The following CHRNB3 variants were observed in gnomAD, a reference collection of about 807,000 sequenced individuals.
CHRNB3 encodes the protein cholinergic receptor nicotinic beta 3 subunit, also known as neuronal acetylcholine receptor subunit beta-3.
CHRNB3 carries 37 observed loss-of-function variants against 40.6 expected under a neutral mutation model. That is an observed-to-expected ratio of 0.91 (90% CI 0.70 to 1.20). The LOEUF (loss-of-function observed/expected upper bound fraction) is 1.20. CHRNB3 is among the 50% of genes most tolerant of loss of function. The pLI is 0.00. For missense variants in CHRNB3, 505 were observed against 551.2 expected (o/e 0.92, Z 0.84); for synonymous variants, 207 against 207.1 (o/e 1.00, Z 0.00).
chr8:42,716,693 T>C (rs1816113835), intron 3 of CHRNB3, among the ~76,000 whole-genome samples: 1 of 152,054 alleles, frequency 6.6e-6, no homozygotes, highest in African/African-American at 2.4e-5. Flanking sequence ...TAAACTGACA[T>C]GGTGCCGTGG....
chr8:42,730,560 C>T (rs200121784), intron 3 of CHRNB3, 34 bp from the exon 4 acceptor site: 12 of 1,292,378 alleles, frequency 9.3e-6, no homozygotes, highest in East Asian at 2.4e-5. Context: ...ATTGAACTTT[C>T]GGAATAAAAT....
intron 5 of CHRNB3, among the ~76,000 whole-genome samples, chr8:42,734,565 A>G (rs144267582): frequency 0.059 from 8,937 of 150,880 alleles, 362 homozygotes; most frequent in Middle Eastern, 0.11. Flanking sequence ...GACTACAGGC[A>G]CCCGCCACCA....
intron 3 of CHRNB3, 97 bp downstream of exon 3, chr8:42,710,531 T>C: frequency 2.1e-6 from 2 of 960,724 alleles, no homozygotes; most frequent in South Asian, 2.9e-5. Context: ...AGAGGGCATA[T>C]TGTGTTCCTC....
intron 1 of CHRNB3, among the ~76,000 whole-genome samples, chr8:42,707,922 C>T (rs1437627842): frequency 1.3e-5 from 2 of 152,220 alleles, no homozygotes; most frequent in Admixed American, 6.5e-5. Flanking sequence ...TCAAATATAA[C>T]GCCCATTGCT....
chr8:42,712,391 C>T (rs1191565117), intron 3 of CHRNB3, among the ~76,000 whole-genome samples: 2 of 152,144 alleles, frequency 1.3e-5, no homozygotes, highest in Admixed American at 1.3e-4. Context: ...GCAATGGATA[C>T]AAGAAACAGC....
chr8:42,716,350 A>G (rs1241897887), intron 3 of CHRNB3, among the ~76,000 whole-genome samples: 1 of 152,058 alleles, frequency 6.6e-6, no homozygotes, highest in Non-Finnish European at 1.5e-5. Flanking sequence ...AATCACTATG[A>G]CAACAAATGC....
intron 1 of CHRNB3, among the ~76,000 whole-genome samples, chr8:42,703,440 T>TTATATATATATA (rs56211568): frequency 2.5e-5 from 2 of 80,690 alleles, no homozygotes; most frequent in African/African-American, 3.1e-5. Context: ...AAAAAAATAT[T>TTATATATATATA]TATATATATA....
chr8:42,715,797 C>T (rs80157946), intron 3 of CHRNB3, among the ~76,000 whole-genome samples: 8,697 of 151,880 alleles, frequency 0.057, 334 homozygotes, highest in Middle Eastern at 0.11. Context: ...GTTTGTCTTC[C>T]TCCTTTGTAC....
rs1815903862 is a variant in CHRNB3 at position 42,705,347 on chromosome 8, ATG to A, written c.53-3369_53-3368del. Reference sequence around the variant, plus strand: ...CTGCCACAGTGCTGCTGTGGTTTGAATGGGTTCCCCAAAGTTCAAGTGCTGGA... The same window carrying A: ...CTGCCACAGTGCTGCTGTGGTTTGAAGGTTCCCCAAAGTTCAAGTGCTGGA... On this transcript the variant is annotated intron_variant, in intron 1 of 5. Coordinates refer to ENST00000289957, the MANE Select transcript of CHRNB3 (RefSeq NM_000749.5). Among the ~76,000 whole-genome samples the A allele has an allele frequency of 2.6e-5, 4 of 152,322 alleles. No homozygotes were observed. In the South Asian group the frequency reaches 8.3e-4, roughly 32 times the overall value.
intron 3 of CHRNB3, among the ~76,000 whole-genome samples, chr8:42,721,243 C>T (rs927098626): frequency 6.6e-6 from 1 of 152,208 alleles, no homozygotes; most frequent in African/African-American, 2.4e-5. Flanking sequence ...AACTTATTAG[C>T]TTTCACAATC....
At position 42,730,822 on chromosome 8, in the gene CHRNB3, G is replaced by C. The variant is rs556486680; in HGVS notation, c.359+119G>C. Reference sequence around the variant, plus strand: ...CCAGCACTTTGGGAGGCCGAGGCGGGTGGATCATGAGGTCAGGAGATCGAG... The same window carrying C: ...CCAGCACTTTGGGAGGCCGAGGCGGCTGGATCATGAGGTCAGGAGATCGAG... On this transcript the variant is annotated intron_variant, in intron 4 of 5. Coordinates refer to ENST00000289957, the MANE Select transcript of CHRNB3 (RefSeq NM_000749.5). 69 of 477,500 alleles carry C rather than the reference G, an allele frequency of 1.4e-4. 1 individual carries two copies. The Middle Eastern group carries it at 3.3e-3, about 23-fold the overall frequency. 29.6% of individuals were successfully genotyped at this position (477,500 alleles called of 1,614,324 possible).
chr8:42,732,009 A>G lies in CHRNB3; in HGVS notation c.702A>G (p.Leu234=). The change falls in exon 5 of 6, where the codon TTA becomes TTG. Residue 234 remains leucine, a synonymous_variant. Transcript: ENST00000289957. ...TYSFVLRRLP[L]FYTLFLIIPC... ...CCTTCGTCCTGAGACGCCTGCCTTT[A>G]TTCTATACCCTCTTTCTCATCATCC... 6.2e-7 allele frequency: 1 copy of G among 1,613,944 alleles called. No individual in the cohort carries two copies. Among genetic ancestry groups the G allele is most frequent in the Non-Finnish European group, 8.5e-7 (1 of 1,179,948 alleles).
chr8:42,713,551 A>G (rs1218378787), intron 3 of CHRNB3, among the ~76,000 whole-genome samples: 4 of 152,186 alleles, frequency 2.6e-5, no homozygotes, highest in African/African-American at 9.7e-5. Context: ...TAAATATGTA[A>G]GGTACAAGTG....
Position 42,731,779 on chromosome 8 carries a change from A to G in CHRNB3, c.472A>G (p.Thr158Ala). 6.2e-7 allele frequency: 1 copy of G among 1,614,114 alleles called. No individual in the cohort carries two copies. Residue 158 changes from threonine to alanine, a missense_variant, in exon 5 of 6, where the codon ACG (threonine) becomes GCG (alanine). Transcript: ENST00000289957. ...SYKSSCTMDV[T>A]FFPFDRQNCS... ...CAAAAGCTCCTGCACCATGGACGTC[A>G]CGTTTTTCCCGTTCGACCGACAGAA...
At chr8:42,717,518 T>A (rs1005928343) in intron 3 of CHRNB3, among the ~76,000 whole-genome samples, 1 of 150,840 alleles carries the variant, frequency 6.6e-6, no homozygotes, top group Non-Finnish European at 1.5e-5. Context: ...TCATCTCAGA[T>A]CTTTACTCAT....
Position 42,730,599 on chromosome 8 carries a change from G to A in CHRNB3, c.255G>A (p.Trp85Ter). ...AGTGTACTAATTTCATGCAGGAATG[G>A]ACAGACCACAAGTTACGCTGGAATC... Reference protein sequence around the residue: ...MTTNVWLKQEWTDHKLRWNPD... With the variant: ...MTTNVWLKQE Residue 85 changes from tryptophan to a stop codon, truncating the protein, a stop_gained, in exon 4 of 6, where the codon TGG becomes TGA. Transcript: ENST00000289957. LOFTEE classifies it high-confidence loss of function. The A allele has an allele frequency of 1.3e-6, 2 of 1,594,876 alleles. No homozygotes were observed. Among genetic ancestry groups the A allele is most frequent in the Non-Finnish European group, 1.7e-6 (2 of 1,168,136 alleles).
At chr8:42,713,072 G>A (rs921029589) in intron 3 of CHRNB3, among the ~76,000 whole-genome samples, 2 of 151,988 alleles carry the variant, frequency 1.3e-5, no homozygotes, top group African/African-American at 2.4e-5. Context: ...ATGTTGGCCA[G>A]GCTGGTCTCG....
intron 1 of CHRNB3, among the ~76,000 whole-genome samples, chr8:42,703,583 T>A (rs967865825): frequency 4.6e-5 from 7 of 151,632 alleles, no homozygotes; most frequent in Non-Finnish European, 1.0e-4. Context: ...CAAATTTTGG[T>A]CTATGCACAA....
rs1198700309 is a variant in CHRNB3, at chr8:42,731,694, G to A, written c.387G>A (p.Leu129=). The change falls in exon 5 of 6, where the codon CTG becomes CTA. Residue 129 remains leucine (L), a synonymous_variant. Coordinates refer to ENST00000289957, the MANE Select transcript of CHRNB3 (RefSeq NM_000749.5). ...ENADGRFEGS[L]MTKVIVKSNG... Reference sequence around the variant, plus strand: ...CTGACGGCCGCTTCGAAGGCTCCCTGATGACCAAGGTCATCGTGAAATCAA... The same window carrying A: ...CTGACGGCCGCTTCGAAGGCTCCCTAATGACCAAGGTCATCGTGAAATCAA... 6.2e-7 allele frequency: 1 copy of A among 1,612,236 alleles called. No individual in the cohort carries two copies. The highest frequency in any genetic ancestry group is 1.1e-5 in the South Asian group (1 of 90,912).
Sources: gnomAD v4.1 joint callset for allele counts (sites outside exome capture counted in the v4.1 genomes callset) on GRCh38, gnomAD v4.1.1 for gene constraint, MANE v1.5 for transcripts, NCBI Gene and HGNC (gene_info 2026-07-23, HGNC 2026-07-21) for gene names.